The following PCSK5 variants were observed in gnomAD, a reference collection of about 807,000 sequenced individuals.
The protein encoded by PCSK5 is proprotein convertase subtilisin/kexin type 5, also known as prohormone convertase 5.
A neutral mutation model predicts 233.2 loss-of-function variants in PCSK5; 129 were observed. The ratio of observed to expected loss-of-function variants is 0.55; its 90% CI spans 0.48 to 0.64. The LOEUF (loss-of-function observed/expected upper bound fraction) is 0.64, where lower values mean the gene tolerates loss of function less well. PCSK5 is among the 30% of genes least tolerant of loss of function. The pLI is 0.00. For synonymous variants in PCSK5, 825 were observed against 879.2 expected (o/e 0.94, Z 1.09); for missense variants, 2,076 against 2,430.1 (o/e 0.85, Z 3.06).
chr9:76,029,858 C>T (rs1302414396), intron 5 of PCSK5, among the ~76,000 whole-genome samples: 3 of 152,122 alleles, frequency 2.0e-5, no homozygotes, highest in African/African-American at 7.2e-5. Context: ...AGTTTGATTC[C>T]TTAAAGGAAA....
chr9:76,109,885 A>G (rs1400327551), intron 9 of PCSK5, among the ~76,000 whole-genome samples: 6 of 152,372 alleles, frequency 3.9e-5, no homozygotes, highest in South Asian at 2.1e-4. Context: ...ATTAGCATCA[A>G]TAAGCATCGG....
At chr9:76,109,439 T>TTA (rs140530912) in intron 9 of PCSK5, among the ~76,000 whole-genome samples, 3,518 of 150,890 alleles carry the variant, frequency 0.023, 75 homozygotes, top group African/African-American at 0.059. Context: ...ATTATTTTTT[T>TTA]AAAAAAAAAA....
At chr9:76,044,792 A>G (rs1394706601) in intron 5 of PCSK5, among the ~76,000 whole-genome samples, 1 of 152,214 alleles carries the variant, frequency 6.6e-6, no homozygotes, top group African/African-American at 2.4e-5. Context: ...CAAATAGTCA[A>G]AGTAATACTT....
intron 2 of PCSK5, among the ~76,000 whole-genome samples, chr9:75,977,385 C>A (rs73450655): frequency 7.8e-6 from 1 of 128,980 alleles, no homozygotes; most frequent in Admixed American, 8.4e-5. Context: ...TCCCGCCCCC[C>A]ACCCGCCACA....
intron 2 of PCSK5, among the ~76,000 whole-genome samples, chr9:75,967,315 TAG>T: frequency 6.6e-6 from 1 of 152,308 alleles, no homozygotes; most frequent in Middle Eastern, 3.4e-3. Flanking sequence ...ACCCAATGTT[TAG>T]CTCCCACTTG....
In PCSK5 at chr9:75,891,128, C is replaced by G; in HGVS notation, c.-54C>G. On this transcript the variant is annotated 5_prime_UTR_variant, in exon 1 of 38. Transcript: ENST00000674117. ...AGGCCGGAGAAGTTAGTTGTGCGCG[C>G]CCTTAGTGCGCGGAACCAGCCAGCG... The G allele has an allele frequency of 7.2e-7, 1 of 1,384,856 alleles. No homozygotes were observed. Among genetic ancestry groups the G allele is most frequent in the Non-Finnish European group, 9.4e-7 (1 of 1,065,796 alleles). 85.8% of individuals were successfully genotyped at this position (1,384,856 alleles called of 1,614,324 possible).
intron 3 of PCSK5, among the ~76,000 whole-genome samples, chr9:76,008,514 T>G (rs1827580891): frequency 6.6e-6 from 1 of 151,584 alleles, no homozygotes; most frequent in Non-Finnish European, 1.5e-5. Flanking sequence ...CAGGCTGGAG[T>G]GCAGTGGCGC....
chr9:75,908,869 T>TTCTATTTA (rs1455376969), intron 1 of PCSK5, among the ~76,000 whole-genome samples: 1 of 119,906 alleles, frequency 8.3e-6, no homozygotes, highest in African/African-American at 3.0e-5. Context: ...ATCCTTCTCT[T>TTCTATTTA]TCTATTTATC....
chr9:75,903,280 C>G (rs1826120205), intron 1 of PCSK5, among the ~76,000 whole-genome samples: 1 of 151,816 alleles, frequency 6.6e-6, no homozygotes, highest in South Asian at 2.1e-4. Flanking sequence ...TTAGATTGCT[C>G]TATATAATAG....
chr9:76,282,489 T>G (rs1827913502), intron 24 of PCSK5, among the ~76,000 whole-genome samples: 1 of 150,990 alleles, frequency 6.6e-6, no homozygotes, highest in Non-Finnish European at 1.5e-5. Context: ...CCAGCTGATA[T>G]CTATTTTTTG....
chr9:76,266,555 T>C (rs1827340119), intron 24 of PCSK5, among the ~76,000 whole-genome samples: 1 of 152,240 alleles, frequency 6.6e-6, no homozygotes, highest in Non-Finnish European at 1.5e-5. Flanking sequence ...ATCCCCTCCA[T>C]GCACATGCCA....
intron 1 of PCSK5, among the ~76,000 whole-genome samples, chr9:75,910,166 G>C (rs188415407): frequency 9.8e-5 from 15 of 152,324 alleles, no homozygotes; most frequent in Admixed American, 9.2e-4. Flanking sequence ...AAACACAAAA[G>C]GCCAAGCTCA....
chr9:76,070,865 T>A (rs888025803), intron 6 of PCSK5, among the ~76,000 whole-genome samples: 1 of 152,144 alleles, frequency 6.6e-6, no homozygotes, highest in East Asian at 1.9e-4. Flanking sequence ...AGGATTAAAT[T>A]TGGCCTGTAA....
intron 3 of PCSK5, among the ~76,000 whole-genome samples, chr9:75,996,499 T>A (rs1827027022): frequency 6.6e-6 from 1 of 152,198 alleles, no homozygotes; most frequent in South Asian, 2.1e-4. Flanking sequence ...TTATGATAAC[T>A]GCGATTTCAT....
chr9:76,274,025 C>T (rs73652909), intron 24 of PCSK5, among the ~76,000 whole-genome samples: 5,415 of 151,548 alleles, frequency 0.036, 315 homozygotes, highest in African/African-American at 0.12. Context: ...AAATATTGTA[C>T]CTTTCCCATT....
intron 20 of PCSK5, among the ~76,000 whole-genome samples, chr9:76,209,176 T>C (rs1825232600): frequency 6.6e-6 from 1 of 152,222 alleles, no homozygotes; most frequent in Non-Finnish European, 1.5e-5. Context: ...CTGTACTGCA[T>C]GTTGGTAATT....
chr9:76,206,783 C>T (rs1297086946), intron 20 of PCSK5, among the ~76,000 whole-genome samples: 3 of 152,196 alleles, frequency 2.0e-5, no homozygotes, highest in African/African-American at 7.2e-5. Flanking sequence ...GCTGACTCGC[C>T]TATACTGAAC....
At chr9:76,059,092 A>G (rs2131576335) in intron 5 of PCSK5, among the ~76,000 whole-genome samples, 1 of 152,348 alleles carries the variant, frequency 6.6e-6, no homozygotes, top group African/African-American at 2.4e-5. Context: ...GCTAAAGTGA[A>G]ATATAGAATT....
intron 20 of PCSK5, among the ~76,000 whole-genome samples, chr9:76,192,660 G>A (rs1414578037): frequency 1.3e-5 from 2 of 151,974 alleles, no homozygotes; most frequent in Non-Finnish European, 2.9e-5. Context: ...AAAGAGGTTT[G>A]AAAATTAAAC....
Sources: gnomAD v4.1 joint callset for allele counts (sites outside exome capture counted in the v4.1 genomes callset) on GRCh38, gnomAD v4.1.1 for gene constraint, MANE v1.5 for transcripts, NCBI Gene and HGNC (gene_info 2026-07-23, HGNC 2026-07-21) for gene names.